The following CCDC169 variants were observed in gnomAD, a reference collection of about 807,000 sequenced individuals.
CCDC169 encodes coiled-coil domain-containing protein 169.
A neutral mutation model predicts 36.0 loss-of-function variants in CCDC169; 30 were observed. The observed-to-expected ratio is 0.83, with a 90% CI of 0.62 to 1.13. The LOEUF (loss-of-function observed/expected upper bound fraction) is 1.13. Among genes scored for constraint, CCDC169 ranks in the 50% most tolerant of loss-of-function variants. The probability of loss-of-function intolerance (pLI) is 0.00; values close to 1 mark genes in which losing one functional copy is unlikely to be tolerated. For synonymous variants in CCDC169, 85 were observed against 81.5 expected (o/e 1.04, Z -0.23); for missense variants, 245 against 245.9 (o/e 1.00, Z 0.03).
chr13:36,235,812 A>T (rs1408957946), intron 7 of CCDC169, among the ~76,000 whole-genome samples: 1 of 151,206 alleles, frequency 6.6e-6, no homozygotes, highest in African/African-American at 2.4e-5. Flanking sequence ...GGGTTTCTGG[A>T]TTTAAGATCA....
At chr13:36,259,846 CCTCATCTTCTCCAGA>C (rs1874394101) in intron 4 of CCDC169, among the ~76,000 whole-genome samples, 1 of 152,242 alleles carries the variant, frequency 6.6e-6, no homozygotes, top group Admixed American at 6.5e-5. Context: ...TATTCTCCTG[CCTCATCTTCTCCAGA>C]CTCCCACCAG....
chr13:36,283,334 T>A, intron 4 of CCDC169, 135 bp downstream of exon 4: 1 of 832,016 alleles, frequency 1.2e-6, no homozygotes, highest in Non-Finnish European at 1.8e-6. Context: ...TTGTTGTCCT[T>A]CAAACAGATC....
chr13:36,255,891 C>T (rs541173482), intron 4 of CCDC169, among the ~76,000 whole-genome samples: 29 of 152,320 alleles, frequency 1.9e-4, no homozygotes, highest in African/African-American at 6.7e-4. Flanking sequence ...TCCCCATTCA[C>T]TGCCAAGTCC....
intron 4 of CCDC169, among the ~76,000 whole-genome samples, chr13:36,278,344 T>C (rs1020684809): frequency 6.6e-6 from 1 of 152,146 alleles, no homozygotes; most frequent in African/African-American, 2.4e-5. Context: ...TAGTCTGAAT[T>C]TGAGCCATGA....
At chr13:36,234,093 C>A (rs980311343) in intron 7 of CCDC169, among the ~76,000 whole-genome samples, 2 of 152,114 alleles carry the variant, frequency 1.3e-5, no homozygotes, top group Admixed American at 1.3e-4. Context: ...TCTCCCTGCT[C>A]CCAAAACCTT....
At chr13:36,238,441 AT>A (rs1425508832) in intron 7 of CCDC169, among the ~76,000 whole-genome samples, 1 of 152,104 alleles carries the variant, frequency 6.6e-6, no homozygotes, top group Non-Finnish European at 1.5e-5. Flanking sequence ...TTTTTTTGGT[AT>A]GTGAATAATA....
At chr13:36,240,677 G>A in intron 7 of CCDC169, 3 of 1,223,976 alleles carry the variant, frequency 2.5e-6, no homozygotes, top group Non-Finnish European at 3.2e-6. Context: ...CTGTTCATAA[G>A]CAGAAAAAAA....
chr13:36,272,947 C>CTA (rs1385154746), intron 4 of CCDC169, among the ~76,000 whole-genome samples: 5 of 152,136 alleles, frequency 3.3e-5, no homozygotes, highest in African/African-American at 1.2e-4. Context: ...CTTTCTCACC[C>CTA]CCACCTTCTT....
At chr13:36,233,569 A>C (rs1418376018) in intron 7 of CCDC169, among the ~76,000 whole-genome samples, 2 of 152,204 alleles carry the variant, frequency 1.3e-5, no homozygotes, top group Non-Finnish European at 1.5e-5. Context: ...AATTATGAGA[A>C]TGATGTCTCA....
In CCDC169 at chr13:36,297,798, G is replaced by T; in HGVS notation, c.-79C>A. On this transcript the variant is annotated 5_prime_UTR_variant, in exon 1 of 8. It adds an upstream start codon to the 5' untranslated region. Coordinates refer to ENST00000239859, the MANE Select transcript of CCDC169 (RefSeq NM_001144981.3). Reference sequence around the variant, plus strand: ...GACATTAAGGGCCACCCAGAAGCCAGTACGGCACGAGGCGGTGAACCCCAA... The same window carrying T: ...GACATTAAGGGCCACCCAGAAGCCATTACGGCACGAGGCGGTGAACCCCAA... 7.3e-7 allele frequency: 1 copy of T among 1,372,048 alleles called. No homozygotes were observed. The highest frequency in any genetic ancestry group is 1.0e-6 in the Non-Finnish European group (1 of 992,750). The allele number at this position is 1,372,048 out of a possible 1,614,324, so 85.0% of individuals were successfully genotyped here.
chr13:36,272,490 T>C (rs955830917), intron 4 of CCDC169, among the ~76,000 whole-genome samples: 7 of 152,216 alleles, frequency 4.6e-5, no homozygotes, highest in Non-Finnish European at 8.8e-5. Flanking sequence ...CTGGGAAGTC[T>C]GTGAGGTTCA....
intron 4 of CCDC169, among the ~76,000 whole-genome samples, chr13:36,269,542 G>A (rs1594057050): frequency 6.6e-6 from 1 of 152,228 alleles, no homozygotes; most frequent in South Asian, 2.1e-4. Flanking sequence ...CTAGCTAACT[G>A]AATCCAACAG....
At position 36,240,555 on chromosome 13, in the gene CCDC169, C is replaced by G. The variant is rs1212281705; in HGVS notation, c.545+8051G>C. ...CAGAATCAGAAGGATACGCCCCTAA[C>G]AATCTGTCTCTTACCAAGTCCTAGT... is the stretch of plus-strand genomic sequence containing the variant. On this transcript the variant is annotated intron_variant, in intron 7 of 7. Coordinates refer to ENST00000239859, the MANE Select transcript of CCDC169 (RefSeq NM_001144981.3). 4 of 1,176,712 alleles carry G rather than the reference C, an allele frequency of 3.4e-6. No homozygotes were observed. The African/African-American group carries it at 6.5e-5, about 19-fold the overall frequency. 72.9% of individuals were successfully genotyped at this position (1,176,712 alleles called of 1,614,324 possible).
chr13:36,229,861 T>C (rs1322873842), downstream of CCDC169, among the ~76,000 whole-genome samples: 3 of 152,052 alleles, frequency 2.0e-5, no homozygotes, highest in Non-Finnish European at 2.9e-5. Flanking sequence ...TTATTTAAAT[T>C]ATTAATTTTC....
downstream of CCDC169, chr13:36,226,342 T>A (rs1417007522): frequency 6.6e-6 from 1 of 152,198 alleles, no homozygotes. Context: ...TGTTTCAGAT[T>A]AATCATTAGT....
intron 6 of CCDC169, among the ~76,000 whole-genome samples, chr13:36,249,046 T>G (rs903872355): frequency 1.3e-5 from 2 of 152,246 alleles, no homozygotes; most frequent in East Asian, 3.8e-4. Context: ...TGTAGTATTT[T>G]GAGGCAGAAA....
intron 4 of CCDC169, among the ~76,000 whole-genome samples, chr13:36,270,323 A>G (rs1875873039): frequency 6.6e-6 from 1 of 152,370 alleles, no homozygotes; most frequent in African/African-American, 2.4e-5. Context: ...TGGAATAATC[A>G]TTGTGAAAAG....
chr13:36,226,952 T>C, downstream of CCDC169: 2 of 422,006 alleles, frequency 4.7e-6, no homozygotes, highest in Non-Finnish European at 8.4e-6. Context: ...AAATAAAAAT[T>C]GAAATAAATA....
At chr13:36,226,931 C>T, downstream of CCDC169, 1 of 422,790 alleles carries the variant, frequency 2.4e-6, no homozygotes, top group Non-Finnish European at 4.2e-6. Context: ...GCACAGGTAC[C>T]TCTGAATCTA....
Sources: gnomAD v4.1 joint callset for allele counts (sites outside exome capture counted in the v4.1 genomes callset) on GRCh38, gnomAD v4.1.1 for gene constraint, MANE v1.5 for transcripts, NCBI Gene and HGNC (gene_info 2026-07-23, HGNC 2026-07-21) for gene names.